PUS10: variants seen among roughly 807,000 people sequenced by gnomAD.
PUS10 encodes the protein pseudouridine synthase 10, also known as tRNA pseudouridine synthase Pus10.
PUS10 carries 59 observed loss-of-function variants against 75.0 expected under a neutral mutation model. That is an observed-to-expected ratio of 0.79 (90% CI 0.64 to 0.98). The LOEUF (loss-of-function observed/expected upper bound fraction) is 0.98, where lower values mean the gene tolerates loss of function less well. Among genes scored for constraint, PUS10 ranks in the 50% least tolerant of loss-of-function variants. PUS10 has a pLI of 0.00. For synonymous variants in PUS10, 219 were observed against 211.6 expected (o/e 1.03, Z -0.30); for missense variants, 650 against 614.4 (o/e 1.06, Z -0.61).
intron 15 of PUS10, among the ~76,000 whole-genome samples, chr2:60,949,660 A>G (rs1407895127): frequency 2.0e-5 from 3 of 152,138 alleles, no homozygotes; most frequent in African/African-American, 4.8e-5. Context: ...GTCAGTTTTT[A>G]TAATTTTTAT....
At chr2:60,967,460 T>C (rs1573424677) in intron 6 of PUS10, 42 bp downstream of exon 6, 6 of 1,341,066 alleles carry the variant, frequency 4.5e-6, no homozygotes, top group Non-Finnish European at 6.3e-6. Context: ...GTAAAACTAG[T>C]AAAATCAGAG....
intron 4 of PUS10, among the ~76,000 whole-genome samples, chr2:60,989,834 A>G (rs1166887802): frequency 6.6e-6 from 1 of 152,106 alleles, no homozygotes; most frequent in Non-Finnish European, 1.5e-5. Flanking sequence ...CATGTTGGCC[A>G]GGCTGGTCTC....
intron 11 of PUS10, among the ~76,000 whole-genome samples, chr2:60,956,303 T>C (rs1293750545): frequency 6.6e-6 from 1 of 152,184 alleles, no homozygotes; most frequent in Non-Finnish European, 1.5e-5. Flanking sequence ...TAACAACAGA[T>C]GGATGGCCAT....
intron 17 of PUS10, among the ~76,000 whole-genome samples, chr2:60,944,534 CA>C (rs1674820194): frequency 6.6e-6 from 1 of 152,140 alleles, no homozygotes; most frequent in South Asian, 2.1e-4. Flanking sequence ...CCGACAGAAC[CA>C]TTCTTACAAT....
chr2:60,962,176 C>A (rs528133127), intron 9 of PUS10, among the ~76,000 whole-genome samples: 1 of 152,322 alleles, frequency 6.6e-6, no homozygotes, highest in East Asian at 1.9e-4. Context: ...TAGCACTGGG[C>A]TAGAATTTCA....
intron 4 of PUS10, among the ~76,000 whole-genome samples, chr2:60,999,777 C>T (rs1019634582): frequency 3.9e-5 from 6 of 152,156 alleles, no homozygotes; most frequent in Non-Finnish European, 5.9e-5. Flanking sequence ...GTGGATCTTG[C>T]ATCTATGGAT....
At chr2:61,006,995 T>C (rs1347048454) in intron 3 of PUS10, among the ~76,000 whole-genome samples, 1 of 152,160 alleles carries the variant, frequency 6.6e-6, no homozygotes, top group Non-Finnish European at 1.5e-5. Context: ...ATTCAATCAT[T>C]TACCTTCTAC....
At chr2:61,007,366 G>C (rs911912399) in intron 3 of PUS10, among the ~76,000 whole-genome samples, 2 of 152,174 alleles carry the variant, frequency 1.3e-5, no homozygotes, top group African/African-American at 4.8e-5. Flanking sequence ...GGAGGCTAAG[G>C]CGTGAGGATC....
chr2:60,943,927 G>T (rs1674780663), intron 17 of PUS10, among the ~76,000 whole-genome samples: 1 of 151,738 alleles, frequency 6.6e-6, no homozygotes, highest in Non-Finnish European at 1.5e-5. Context: ...AAAGATTAAT[G>T]CAAGCCTGGG....
intron 16 of PUS10, among the ~76,000 whole-genome samples, chr2:60,946,830 A>AGT (rs993814473): frequency 3.3e-5 from 4 of 121,888 alleles, no homozygotes; most frequent in Admixed American, 1.6e-4. Context: ...ATATATATCT[A>AGT]GTGTGTGTGT....
At chr2:60,958,556 G>C (rs1041041224) in intron 11 of PUS10, among the ~76,000 whole-genome samples, 1 of 152,172 alleles carries the variant, frequency 6.6e-6, no homozygotes, top group African/African-American at 2.4e-5. Context: ...AGGTCTTTCA[G>C]AGAGAAGGAT....
intron 4 of PUS10, among the ~76,000 whole-genome samples, chr2:60,975,727 T>C (rs565345595): frequency 1.3e-5 from 2 of 151,756 alleles, no homozygotes; most frequent in Admixed American, 6.6e-5. Context: ...GTTAATTTTG[T>C]CCCGCCCTTC....
At chr2:60,954,217 T>G in intron 12 of PUS10, 59 bp from the exon 13 acceptor site, 2 of 1,553,658 alleles carry the variant, frequency 1.3e-6, no homozygotes, top group Middle Eastern at 3.4e-4. Flanking sequence ...ACATTTGGGC[T>G]AATGCAAGAG....
chr2:60,959,371 A>G (rs1260061116), intron 11 of PUS10, among the ~76,000 whole-genome samples: 1 of 152,188 alleles, frequency 6.6e-6, no homozygotes, highest in Non-Finnish European at 1.5e-5. Context: ...TTTCCCCAGG[A>G]GAGAACAGTC....
At chr2:60,973,717 T>C (rs747720920) in intron 4 of PUS10, among the ~76,000 whole-genome samples, 1 of 152,216 alleles carries the variant, frequency 6.6e-6, no homozygotes, top group Non-Finnish European at 1.5e-5. Context: ...AAGCCCCACC[T>C]TCAAGCCAGG....
intron 15 of PUS10, among the ~76,000 whole-genome samples, chr2:60,948,847 A>G (rs775738814): frequency 6.6e-6 from 1 of 152,188 alleles, no homozygotes; most frequent in African/African-American, 2.4e-5. Flanking sequence ...AAATTAAGAA[A>G]TAGAGGTTAA....
Position 60,953,895 on chromosome 2 carries a change from G to A in PUS10, c.1190+38C>T, listed in dbSNP as rs753459580. The A allele has an allele frequency of 6.9e-5, 107 of 1,552,822 alleles. 1 individual carries two copies. In the South Asian group the frequency reaches 9.4e-4, roughly 14 times the overall value. ...AAGATATGTGACCTGCAACTAAAAC[G>A]TCCCTTTTGAAATCATCTCCAATGA... On this transcript the variant is annotated intron_variant, in intron 14 of 17. Coordinates refer to ENST00000316752, the MANE Select transcript of PUS10 (RefSeq NM_144709.4).
In PUS10 at chr2:60,985,727, C is replaced by T. The variant is rs932480742; in HGVS notation, c.469-14170G>A. Among the ~76,000 whole-genome samples the T allele has an allele frequency of 2.0e-5, 3 of 152,184 alleles. No individual in the cohort carries two copies. The South Asian group carries it at 6.2e-4, about 32-fold the overall frequency. The stretch of plus-strand genomic sequence containing the variant: ...TGTTGGCCAGGTTAGTCTTGAACTC[C>T]TGGCCTCAAGCAATCCACCCATCTA... On this transcript the variant is annotated intron_variant, in intron 4 of 17. Coordinates refer to ENST00000316752, the MANE Select transcript of PUS10 (RefSeq NM_144709.4).
intron 4 of PUS10, among the ~76,000 whole-genome samples, chr2:61,001,165 A>G (rs1678829591): frequency 6.6e-6 from 1 of 152,270 alleles, no homozygotes; most frequent in Non-Finnish European, 1.5e-5. Context: ...CTTTTCATCT[A>G]TTTCTTGCTC....
Sources: allele counts gnomAD v4.1 joint callset (sites outside exome capture counted in the v4.1 genomes callset), GRCh38; gene constraint gnomAD v4.1.1; transcripts MANE v1.5; gene names NCBI Gene and HGNC (gene_info 2026-07-23, HGNC 2026-07-21).